BACH2: variants seen among roughly 807,000 people sequenced by gnomAD.
BACH2 encodes transcription regulator protein BACH2.
BACH2 carries 5 observed loss-of-function variants against 61.8 expected under a neutral mutation model. That is an observed-to-expected ratio of 0.08 (90% CI 0.04 to 0.17). The LOEUF is 0.17. Ranked by LOEUF, BACH2 falls within the 10% of genes least tolerant of loss-of-function variation. BACH2 has a pLI of 1.00. For synonymous variants in BACH2, 446 were observed against 440.1 expected (o/e 1.01, Z -0.17); for missense variants, 824 against 1,091.1 (o/e 0.76, Z 3.45).
In BACH2 at chr6:90,255,916, A is replaced by T. The variant is rs149875852; in HGVS notation, c.-352-3326T>A. The stretch of plus-strand genomic sequence containing the variant: ...CAAAACCAGCAACACACAGAGTGAC[A>T]TATGTTGTGACTATGCCCTTCTCAT... On this transcript the variant is annotated intron_variant, in intron 2 of 8. Coordinates refer to ENST00000257749, the MANE Select transcript of BACH2 (RefSeq NM_021813.4). 2.1e-4 allele frequency among the ~76,000 whole-genome samples: 32 copies of T among 152,348 alleles called. No homozygotes were observed. In the East Asian group the frequency reaches 4.2e-3, roughly 20 times the overall value.
chr6:90,073,443 C>T (rs570564817), intron 5 of BACH2, among the ~76,000 whole-genome samples: 1 of 152,272 alleles, frequency 6.6e-6, no homozygotes, highest in African/African-American at 2.4e-5. Flanking sequence ...CAACAGAGAT[C>T]GAGATGAAAC....
At chr6:89,944,891 T>A (rs1773638796) in intron 7 of BACH2, among the ~76,000 whole-genome samples, 1 of 152,182 alleles carries the variant, frequency 6.6e-6, no homozygotes, top group South Asian at 2.1e-4. Flanking sequence ...ACTAAGAGGC[T>A]TACTACTTTG....
chr6:90,281,300 TATTTCTATTTAATGTC>T (rs1205751427), intron 1 of BACH2, among the ~76,000 whole-genome samples: 2 of 152,226 alleles, frequency 1.3e-5, no homozygotes, highest in African/African-American at 4.8e-5. Context: ...AATTTACAGT[TATTTCTATTTAATGTC>T]ATCTTGCTAC....
At chr6:90,013,729 T>C (rs138946151) in intron 5 of BACH2, among the ~76,000 whole-genome samples, 2,429 of 152,068 alleles carry the variant, frequency 0.016, 55 homozygotes, top group African/African-American at 0.051. Context: ...AGGATGGTCT[T>C]GATCTCCTGA....
At chr6:90,037,934 C>T (rs920742596) in intron 5 of BACH2, among the ~76,000 whole-genome samples, 13 of 152,212 alleles carry the variant, frequency 8.5e-5, no homozygotes, top group South Asian at 2.1e-4. Flanking sequence ...GGCTACAAGC[C>T]AAGGAATGCC....
At chr6:89,973,155 T>C (rs531107627) in intron 6 of BACH2, among the ~76,000 whole-genome samples, 1 of 152,134 alleles carries the variant, frequency 6.6e-6, no homozygotes, top group Non-Finnish European at 1.5e-5. Context: ...TAATCCCAAC[T>C]ACTCAGCAGG....
intron 1 of BACH2, among the ~76,000 whole-genome samples, chr6:90,278,012 C>G (rs1771747903): frequency 6.6e-6 from 1 of 152,214 alleles, no homozygotes; most frequent in Admixed American, 6.5e-5. Flanking sequence ...ATTTAAAGAA[C>G]TTCCTAACAA....
At chr6:90,097,880 T>C (rs1259067624) in intron 4 of BACH2, among the ~76,000 whole-genome samples, 1 of 152,190 alleles carries the variant, frequency 6.6e-6, no homozygotes, top group African/African-American at 2.4e-5. Flanking sequence ...CTTTTGGGCA[T>C]GCATTTCAGC....
At chr6:90,253,090 A>G (rs1770862315) in intron 2 of BACH2, among the ~76,000 whole-genome samples, 1 of 152,150 alleles carries the variant, frequency 6.6e-6, no homozygotes, top group Admixed American at 6.5e-5. Context: ...CAAGACATAC[A>G]CAAATTAGCT....
intron 3 of BACH2, among the ~76,000 whole-genome samples, chr6:90,233,044 T>C (rs1329588414): frequency 6.6e-6 from 1 of 152,214 alleles, no homozygotes; most frequent in Non-Finnish European, 1.5e-5. Context: ...AGGCAGGAGA[T>C]ATCATGTTTC....
intron 3 of BACH2, among the ~76,000 whole-genome samples, chr6:90,214,317 C>T (rs1769454991): frequency 6.6e-6 from 1 of 151,868 alleles, no homozygotes; most frequent in South Asian, 2.1e-4. Context: ...GAATCCCAGA[C>T]CCCTCCAAAT....
At chr6:89,977,400 T>C (rs1384364517) in intron 6 of BACH2, among the ~76,000 whole-genome samples, 2 of 152,210 alleles carry the variant, frequency 1.3e-5, no homozygotes, top group Non-Finnish European at 2.9e-5. Flanking sequence ...TAACTACCCA[T>C]TTCAAATCAT....
At chr6:90,055,870 T>A (rs1780316987) in intron 5 of BACH2, among the ~76,000 whole-genome samples, 1 of 152,116 alleles carries the variant, frequency 6.6e-6, no homozygotes, top group Admixed American at 6.5e-5. Flanking sequence ...CCAGCCAAAC[T>A]AAGCTTCATA....
Position 89,997,852 on chromosome 6 carries a change from G to T in BACH2, c.243+10750C>A, listed in dbSNP as rs143743434. ...GTGGCCACTGCTCATAGACTGCCCT[G>T]CCCTACCCAGTTCTGGTTGTTAATG... On this transcript the variant is annotated intron_variant, in intron 6 of 8. Coordinates refer to ENST00000257749, the MANE Select transcript of BACH2 (RefSeq NM_021813.4). 3.9e-5 allele frequency among the ~76,000 whole-genome samples: 6 copies of T among 152,232 alleles called. No homozygotes were observed. The East Asian group carries it at 1.2e-3, about 29-fold the overall frequency.
intron 4 of BACH2, among the ~76,000 whole-genome samples, chr6:90,126,159 T>G (rs542057990): frequency 6.6e-6 from 1 of 152,034 alleles, no homozygotes; most frequent in Non-Finnish European, 1.5e-5. Context: ...AGGAAGGAAT[T>G]TGAGGACAAA....
chr6:90,085,231 AG>A (rs1781884411), intron 5 of BACH2, among the ~76,000 whole-genome samples: 1 of 152,148 alleles, frequency 6.6e-6, no homozygotes, highest in Non-Finnish European at 1.5e-5. Context: ...TAATAATCAT[AG>A]GCCCTACAGC....
chr6:90,272,711 G>T (rs544999261), intron 1 of BACH2, among the ~76,000 whole-genome samples: 11 of 152,122 alleles, frequency 7.2e-5, no homozygotes, highest in African/African-American at 2.7e-4. Flanking sequence ...ATTCATCAAG[G>T]CCTCTTGATT....
At chr6:90,071,268 G>A (rs1781214618) in intron 5 of BACH2, among the ~76,000 whole-genome samples, 1 of 152,198 alleles carries the variant, frequency 6.6e-6, no homozygotes, top group Admixed American at 6.5e-5. Flanking sequence ...TCACAGTTAG[G>A]ATAATGTTAA....
intron 4 of BACH2, among the ~76,000 whole-genome samples, chr6:90,133,098 G>A (rs1053222337): frequency 3.3e-5 from 5 of 152,024 alleles, no homozygotes; most frequent in African/African-American, 1.2e-4. Context: ...TTAATTTCTT[G>A]TCTCTTCAAC....
Sources: gnomAD v4.1 joint callset for allele counts (sites outside exome capture counted in the v4.1 genomes callset) on GRCh38, gnomAD v4.1.1 for gene constraint, MANE v1.5 for transcripts, NCBI Gene and HGNC (gene_info 2026-07-23, HGNC 2026-07-21) for gene names.